The following CGN variants were observed in gnomAD, a reference collection of about 807,000 sequenced individuals.
CGN encodes cingulin.
CGN carries 121 observed loss-of-function variants against 157.1 expected under a neutral mutation model. That is an observed-to-expected ratio of 0.77 (90% CI 0.66 to 0.90). CGN has a LOEUF of 0.90. Among genes scored for constraint, CGN ranks in the 40% least tolerant of loss-of-function variants. The pLI, the probability that CGN is intolerant of heterozygous loss-of-function variation, is 0.00. For synonymous variants in CGN, 535 were observed against 607.5 expected (o/e 0.88, Z 1.76); for missense variants, 1,424 against 1,520.9 (o/e 0.94, Z 1.06).
intron 16 of CGN, among the ~76,000 whole-genome samples, 195 bp downstream of exon 16, chr1:151,535,326 TGGA>T (rs1664944759): frequency 6.6e-6 from 1 of 152,162 alleles, no homozygotes; most frequent in Non-Finnish European, 1.5e-5. Flanking sequence ...ATGATTTGCA[TGGA>T]GGAAGGGATC....
chr1:151,534,226 G>A (rs1664909540), intron 15 of CGN, 90 bp downstream of exon 15: 5 of 1,257,286 alleles, frequency 4.0e-6, no homozygotes, highest in African/African-American at 1.5e-5. Flanking sequence ...GCCCACAGTT[G>A]ATGAGTTTTG....
At chr1:151,517,139 CAA>C (rs1319529752) in intron 1 of CGN, among the ~76,000 whole-genome samples, 1 of 152,104 alleles carries the variant, frequency 6.6e-6, no homozygotes, top group East Asian at 2.0e-4. Context: ...GCCTGGGCAA[CAA>C]GAGCAAAACT....
chr1:151,533,565 C>T (rs1046612532), intron 14 of CGN, among the ~76,000 whole-genome samples: 6 of 151,994 alleles, frequency 3.9e-5, no homozygotes, highest in Admixed American at 1.3e-4. Context: ...GAGGCTGTGG[C>T]GGGCAGATCA....
At position 151,532,658 on chromosome 1, in the gene CGN, C is replaced by T. The variant is rs900082784; in HGVS notation, c.2742+86C>T. ...TGTCCGAGACAGAGTCTCACTCTGT[C>T]GCCCAGGCTGGAGTTCAGTGGCGCG... On this transcript the variant is annotated intron_variant, in intron 14 of 20. Coordinates refer to ENST00000271636, the MANE Select transcript of CGN (RefSeq NM_020770.3). 1.5e-5 allele frequency: 17 copies of T among 1,133,360 alleles called. No individual in the cohort carries two copies. The African/African-American group carries it at 2.3e-4, about 16-fold the overall frequency. 70.2% of individuals were successfully genotyped at this position (1,133,360 alleles called of 1,614,324 possible). A position where few individuals can be genotyped will look rare whatever the true frequency, so the allele number is the denominator to read the frequency against.
At chr1:151,533,613 T>G (rs1298908068) in intron 14 of CGN, among the ~76,000 whole-genome samples, 1 of 150,606 alleles carries the variant, frequency 6.6e-6, no homozygotes, top group Non-Finnish European at 1.5e-5. Flanking sequence ...GCTAACACGG[T>G]GAAACCCCGT....
chr1:151,535,120 G>A lies in CGN; in HGVS notation c.2983G>A (p.Gly995Ser), dbSNP rs1217226789. The change falls in exon 16 of 21, where the codon GGC becomes AGC. Residue 995 changes from glycine to serine, a missense_variant. Gly to Ser is a moderately conservative substitution (Grantham distance 56). Around this residue, in one of 3 missense-constraint regions of CGN, gnomAD observed 199 missense variants for 272.2 expected, o/e 0.73. Coordinates refer to ENST00000271636, the MANE Select transcript of CGN (RefSeq NM_020770.3). ...GCTGCTAACAGATCGGGTGAATCGT[G>A]GCCGGGACCAGGTAACCGCCCCCAC... The part of the protein sequence containing the change: ...VELLTDRVNR[G>S]RDQVDQLRTE... 2 of 1,613,778 alleles carry A rather than the reference G, an allele frequency of 1.2e-6. No individual in the cohort carries two copies. The highest frequency in any genetic ancestry group is 3.3e-5 in the Admixed American group (2 of 60,004).
At chr1:151,535,288 G>A (rs1664944059) in intron 16 of CGN, among the ~76,000 whole-genome samples, 157 bp downstream of exon 16, 2 of 152,124 alleles carry the variant, frequency 1.3e-5, no homozygotes, top group Admixed American at 6.5e-5. Flanking sequence ...GGAAAGGTTG[G>A]CCAGTTTCCT....
chr1:151,535,406 T>C (rs1425240497), intron 16 of CGN, among the ~76,000 whole-genome samples, 194 bp from the exon 17 acceptor site: 3 of 152,188 alleles, frequency 2.0e-5, no homozygotes, highest in African/African-American at 7.2e-5. Context: ...TACTAGTTCC[T>C]GGAGGGACGA....
chr1:151,523,647 A>G, intron 6 of CGN, 86 bp downstream of exon 6: 1 of 1,313,660 alleles, frequency 7.6e-7, no homozygotes. Flanking sequence ...CTAGGGTTGA[A>G]GGAGACAGAA....
At chr1:151,534,165 A>G (rs766347007) in intron 15 of CGN, 29 bp downstream of exon 15, 8 of 1,546,386 alleles carry the variant, frequency 5.2e-6, no homozygotes, top group Non-Finnish European at 7.0e-6. Context: ...GACCTGTGGA[A>G]AAAGGGTGGG....
Position 151,536,828 on chromosome 1 carries a change from G to A in CGN, c.3405G>A (p.Val1135=). The A allele has an allele frequency of 1.9e-6, 3 of 1,614,152 alleles. No individual in the cohort carries two copies. The highest frequency in any genetic ancestry group is 2.5e-6 in the Non-Finnish European group (3 of 1,180,026). ...TGAGGAAGAAGGCCCAGCGTGAGGT[G>A]GAGGAGCAGCATGAGGTCAATGAAC... ...DGLRKKAQRE[V]EEQHEVNEQL... is the part of the protein sequence containing the mutation. Residue 1135 remains valine, a synonymous_variant, in exon 20 of 21, where the codon GTG becomes GTA. Transcript: ENST00000271636.
intron 13 of CGN, 123 bp downstream of exon 13, chr1:151,530,869 G>T (rs12134822): frequency 2.9e-6 from 3 of 1,027,480 alleles, no homozygotes; most frequent in African/African-American, 3.2e-5. Flanking sequence ...GGCCAGGTGC[G>T]GTGACTCACT....
intron 13 of CGN, 91 bp downstream of exon 13, chr1:151,530,837 AG>A: frequency 7.3e-7 from 1 of 1,369,840 alleles, no homozygotes; most frequent in African/African-American, 1.4e-5. Flanking sequence ...GAGAGGGGTT[AG>A]TCAGAATGTG....
At chr1:151,533,875 C>A in intron 14 of CGN, 100 bp from the exon 15 acceptor site, 1 of 966,510 alleles carries the variant, frequency 1.0e-6, no homozygotes, top group Non-Finnish European at 1.5e-6. Context: ...TAAAGAGTGA[C>A]AGTGATGAAA....
At chr1:151,526,639 A>G (rs1664688140) in intron 9 of CGN, among the ~76,000 whole-genome samples, 1 of 149,138 alleles carries the variant, frequency 6.7e-6, no homozygotes, top group South Asian at 2.1e-4. Flanking sequence ...ACACTTGGCT[A>G]ATTTTTGTAT....
rs1664698930 is a variant in CGN, at chr1:151,527,047, G to A, written c.1836G>A (p.Arg612=). The A allele has an allele frequency of 1.2e-6, 2 of 1,614,194 alleles. No homozygotes were observed. Among genetic ancestry groups the A allele is most frequent in the Non-Finnish European group, 1.7e-6 (2 of 1,180,038 alleles). Residue 612 remains arginine, a synonymous_variant, in exon 10 of 21, where the codon AGG becomes AGA. Transcript: ENST00000271636. ...GAGAGAAGATAGAGGTCTTGCAGAGGGAATTAGAGCAGGCCCGAGCTAGTG... is the reference window on the plus strand; with the variant it reads ...GAGAGAAGATAGAGGTCTTGCAGAGAGAATTAGAGCAGGCCCGAGCTAGTG... ...ELGEKIEVLQ[R]ELEQARASAG... is the part of the protein sequence containing the mutation.
intron 10 of CGN, among the ~76,000 whole-genome samples, chr1:151,529,022 T>C (rs143364733): frequency 1.5e-3 from 229 of 152,286 alleles, no homozygotes; most frequent in Admixed American, 3.2e-3. Context: ...ACTCTGTGGG[T>C]ATACCGTGTT....
rs1376063026 is a variant in CGN at position 151,524,934 on chromosome 1, C to CA, written c.1614+50dup. The CA allele has an allele frequency of 9.3e-6, 14 of 1,508,866 alleles. No individual in the cohort carries two copies. Among genetic ancestry groups the CA allele is most frequent in the Non-Finnish European group, 1.2e-5 (13 of 1,099,036 alleles). The allele number at this position is 1,508,866 out of a possible 1,614,324, so 93.5% of individuals were successfully genotyped here. A position where few individuals can be genotyped will look rare whatever the true frequency, so the allele number is the denominator to read the frequency against. ...GAGAGAGGAGGGCACTGCTGGAGAA[C>CA]AAGGCTGCCTTGGGATCTTGGACTT... On this transcript the variant is annotated intron_variant, in intron 8 of 20. Transcript: ENST00000271636. This position sits in a 1 kb window ranked among gnomAD's most constrained non-coding sequence, Gnocchi z 4.4.
At position 151,520,147 on chromosome 1, in the gene CGN, T is replaced by A. The variant is rs776961078; in HGVS notation, c.874-19T>A. The A allele has an allele frequency of 3.2e-6, 5 of 1,566,518 alleles. No individual in the cohort carries two copies. In the East Asian group the frequency reaches 9.0e-5, roughly 28 times the overall value. On this transcript the variant is annotated intron_variant, in intron 2 of 20. Transcript: ENST00000271636. ...CTTTCTTTCTTTCTTTTTTTTTTCT[T>A]TTTCTTTTTTTTTAACAGTTCAAAT... is the stretch of plus-strand genomic sequence containing the variant.
Sources: allele counts gnomAD v4.1 joint callset (sites outside exome capture counted in the v4.1 genomes callset), GRCh38; gene constraint gnomAD v4.1.1; regional missense constraint gnomAD v4.1.1; non-coding constraint Gnocchi (gnomAD v3.1); transcripts MANE v1.5; gene names NCBI Gene and HGNC (gene_info 2026-07-23, HGNC 2026-07-21).